Variants in ZNF454 observed in about 807,000 individuals in gnomAD.
ZNF454 encodes the protein zinc finger protein 454.
Under a neutral mutation model 48.2 loss-of-function variants are expected in ZNF454, and 30 were observed. The ratio of observed to expected loss-of-function variants is 0.62; its 90% CI spans 0.47 to 0.84. The LOEUF (loss-of-function observed/expected upper bound fraction) is 0.84, where lower values mean the gene tolerates loss of function less well. Ranked by LOEUF, ZNF454 falls within the 40% of genes least tolerant of loss-of-function variation. The probability of loss-of-function intolerance (pLI) is 0.00; values close to 1 mark genes in which losing one functional copy is unlikely to be tolerated. For synonymous variants in ZNF454, 204 were observed against 211.4 expected (o/e 0.97, Z 0.30); for missense variants, 510 against 623.1 (o/e 0.82, Z 1.93).
chr5:178,986,924 TGTC>T, the ZNF454 span: 1 of 1,614,154 alleles, frequency 6.2e-7, no homozygotes, highest in Non-Finnish European at 8.5e-7. Flanking sequence ...TACTGGAAGA[TGTC>T]GTACCGCCCG....
the ZNF454 span, chr5:178,985,333 C>G: frequency 2.2e-6 from 1 of 448,518 alleles, no homozygotes; most frequent in South Asian, 1.6e-5. Flanking sequence ...CTTCAAGGAC[C>G]CAGCAGGGGA....
chr5:178,945,453 T>TG (rs200720606), intron 2 of ZNF454, among the ~76,000 whole-genome samples: 82 of 138,672 alleles, frequency 5.9e-4, no homozygotes, highest in South Asian at 1.5e-3. Context: ...TATGTGAATG[T>TG]GGGGGGGGTG....
At chr5:178,950,423 G>C (rs185522825) in intron 4 of ZNF454, among the ~76,000 whole-genome samples, 2 of 152,296 alleles carry the variant, frequency 1.3e-5, no homozygotes, top group Non-Finnish European at 2.9e-5. Flanking sequence ...AATTAATTTG[G>C]ACTGATGTAA....
At chr5:178,958,705 A>G (rs998095638) in intron 4 of ZNF454, among the ~76,000 whole-genome samples, 2 of 152,240 alleles carry the variant, frequency 1.3e-5, no homozygotes, top group African/African-American at 4.8e-5. Context: ...GCGAAATGCA[A>G]GGTTTCCATA....
chr5:178,951,698 A>G (rs1759563149), intron 4 of ZNF454, among the ~76,000 whole-genome samples: 1 of 152,132 alleles, frequency 6.6e-6, no homozygotes, highest in Non-Finnish European at 1.5e-5. Flanking sequence ...TTATTTCCAG[A>G]CTTTTTACTA....
At chr5:178,973,162 C>G in the ZNF454 span, among the ~76,000 whole-genome samples, 5 of 151,476 alleles carry the variant, frequency 3.3e-5, no homozygotes, top group East Asian at 7.8e-4. Flanking sequence ...CCACACCTCC[C>G]CTTCCCTCCT....
Position 178,942,766 on chromosome 5 carries a change from T to C in ZNF454, c.-26T>C. 1 of 1,613,982 alleles carries C rather than the reference T, an allele frequency of 6.2e-7. No individual in the cohort carries two copies. Among genetic ancestry groups the C allele is most frequent in the Non-Finnish European group, 8.5e-7 (1 of 1,179,956 alleles). On this transcript the variant is annotated 5_prime_UTR_variant, in exon 2 of 5. Coordinates refer to ENST00000519564, the MANE Select transcript of ZNF454 (RefSeq NM_001178089.3). ...GCCTCCATAGCACTTTGCCTGTCCC[T>C]AAGAGGGCTCATCGGAGAAGAAAGA...
At chr5:178,985,664 C>T in the ZNF454 span, 38 of 397,650 alleles carry the variant, frequency 9.6e-5, no homozygotes, top group Middle Eastern at 4.0e-4. Context: ...GATAGTGCCA[C>T]TGCACTCCAG....
chr5:178,987,074 G>T, the ZNF454 span: 1 of 1,340,530 alleles, frequency 7.5e-7, no homozygotes, highest in Non-Finnish European at 1.0e-6. Context: ...GAGAAAGGAG[G>T]AGCTTAACAA....
chr5:178,981,995 A>G, the ZNF454 span: 5 of 756,826 alleles, frequency 6.6e-6, no homozygotes, highest in East Asian at 1.2e-4. This position sits in a 1 kb window ranked among gnomAD's most constrained non-coding sequence, Gnocchi z 5.1. Flanking sequence ...GGACAACAGT[A>G]TGAGCAGGGG....
chr5:178,941,916 A>C lies in ZNF454; in HGVS notation c.-108+472A>C, dbSNP rs1240658808. Reference sequence around the variant, plus strand: ...AGCCTTCTTAGCCTCCTTTCTGAGGAGGAAGAAGACCACCCTCCTTTTCCT... The same window carrying C: ...AGCCTTCTTAGCCTCCTTTCTGAGGCGGAAGAAGACCACCCTCCTTTTCCT... On this transcript the variant is annotated intron_variant, in intron 1 of 4. Coordinates refer to ENST00000519564, the MANE Select transcript of ZNF454 (RefSeq NM_001178089.3). This position sits in a 1 kb window ranked among gnomAD's most constrained non-coding sequence, Gnocchi z 5.5. Among the ~76,000 whole-genome samples, 3 of 149,916 alleles carry C rather than the reference A, an allele frequency of 2.0e-5. No individual in the cohort carries two copies.
chr5:178,951,308 A>G (rs1197916320), intron 4 of ZNF454, among the ~76,000 whole-genome samples: 1 of 152,240 alleles, frequency 6.6e-6, no homozygotes, highest in Non-Finnish European at 1.5e-5. Flanking sequence ...CAGTTTAAAG[A>G]ATGATAAGGA....
At chr5:178,963,574 G>A (rs953222823) in intron 4 of ZNF454, among the ~76,000 whole-genome samples, 1 of 151,708 alleles carries the variant, frequency 6.6e-6, no homozygotes, top group African/African-American at 2.4e-5. Flanking sequence ...CATCGTCTGT[G>A]TTTGGAATCT....
chr5:178,969,468 A>G (rs765888161), downstream of ZNF454: 14 of 456,784 alleles, frequency 3.1e-5, no homozygotes, highest in South Asian at 2.2e-4. Flanking sequence ...TTGTAGTCCT[A>G]ATGGCCATGT....
chr5:178,968,846 G>A (rs1217746626), downstream of ZNF454: 14 of 456,586 alleles, frequency 3.1e-5, no homozygotes, highest in Admixed American at 2.8e-4. Flanking sequence ...CCAGGACCAA[G>A]GCGTGCAGCC....
At chr5:178,966,860 C>T (rs967888746), downstream of ZNF454, among the ~76,000 whole-genome samples, 4 of 152,150 alleles carry the variant, frequency 2.6e-5, no homozygotes, top group Non-Finnish European at 5.9e-5. Flanking sequence ...GGCTTCATCC[C>T]TGTAGAATCC....
chr5:178,967,559 A>G (rs1760180802), downstream of ZNF454, among the ~76,000 whole-genome samples: 1 of 152,114 alleles, frequency 6.6e-6, no homozygotes, highest in Non-Finnish European at 1.5e-5. Flanking sequence ...GCCTTCCACT[A>G]TTTAAAGACT....
the ZNF454 span, chr5:178,983,161 C>A: frequency 1.9e-6 from 3 of 1,613,940 alleles, no homozygotes; most frequent in Non-Finnish European, 2.5e-6. Context: ...GTCCGCTGTT[C>A]CTCATAGTCA....
chr5:178,985,667 C>A, the ZNF454 span: 2 of 399,360 alleles, frequency 5.0e-6, no homozygotes, highest in Non-Finnish European at 9.8e-6. Flanking sequence ...AGTGCCACTG[C>A]ACTCCAGCCT....
Sources: gnomAD v4.1 joint callset for allele counts (sites outside exome capture counted in the v4.1 genomes callset) on GRCh38, gnomAD v4.1.1 for gene constraint, Gnocchi (gnomAD v3.1) non-coding constraint, MANE v1.5 for transcripts, NCBI Gene and HGNC (gene_info 2026-07-23, HGNC 2026-07-21) for gene names.